RBFOX1: variants seen among roughly 807,000 people sequenced by gnomAD.
RBFOX1 encodes the protein RNA binding fox-1 homolog 1.
Under a neutral mutation model 57.7 loss-of-function variants are expected in RBFOX1, and 8 were observed. The ratio of observed to expected loss-of-function variants is 0.14; its 90% CI spans 0.08 to 0.25. RBFOX1 has a LOEUF of 0.25. RBFOX1 is among the 10% of genes least tolerant of loss of function. The pLI is 1.00. For synonymous variants in RBFOX1, 326 were observed against 222.4 expected, an observed-to-expected ratio of 1.47 and a Z score of -4.15; for missense variants, 611 against 548.5, an observed-to-expected ratio of 1.11 and a Z score of -1.14.
intron 3 of RBFOX1, among the ~76,000 whole-genome samples, chr16:6,809,063 G>A (rs887664373): frequency 1.1e-4 from 16 of 152,124 alleles, no homozygotes; most frequent in Admixed American, 8.5e-4. Flanking sequence ...AATCCCAGCC[G>A]CCATACTTCA....
chr16:6,049,905 T>C (rs929776966), intron 1 of RBFOX1, among the ~76,000 whole-genome samples: 2 of 151,942 alleles, frequency 1.3e-5, no homozygotes, highest in Non-Finnish European at 2.9e-5. Flanking sequence ...CTGTGATTGA[T>C]TGATATATCT....
intron 1 of RBFOX1, among the ~76,000 whole-genome samples, chr16:5,431,084 C>T (rs553597381): frequency 1.3e-5 from 2 of 152,256 alleles, no homozygotes; most frequent in Admixed American, 1.3e-4. Context: ...GGACTGGAGC[C>T]ACCATAGAGT....
At position 6,303,226 on chromosome 16, in the gene RBFOX1, A is replaced by C. The variant is rs79598396; in HGVS notation, c.-126-13769A>C. On this transcript the variant is annotated intron_variant, in intron 1 of 15. Coordinates refer to ENST00000550418, the MANE Select transcript of RBFOX1 (RefSeq NM_018723.4). ...GAAGAAAATATGATGTCCACATTTC[A>C]TAGCTTAGTTCCGATCACTTCAGTG... 2.4e-3 allele frequency among the ~76,000 whole-genome samples: 366 copies of C among 152,288 alleles called. 3 individuals are homozygous for C. Among genetic ancestry groups the C allele is most frequent in the African/African-American group, 8.4e-3 (351 of 41,562 alleles).
At chr16:7,529,590 A>C (rs1195829019) in intron 5 of RBFOX1, among the ~76,000 whole-genome samples, 2 of 152,224 alleles carry the variant, frequency 1.3e-5, no homozygotes, top group Non-Finnish European at 2.9e-5. Context: ...CTTTCTTCTT[A>C]AGAATAGCAG....
chr16:7,054,887 C>G (rs556331222), intron 4 of RBFOX1, among the ~76,000 whole-genome samples: 15 of 152,068 alleles, frequency 9.9e-5, no homozygotes, highest in African/African-American at 3.6e-4. Context: ...ATTCCTTTTC[C>G]TTGGCCTCCT....
chr16:7,514,337 G>T (rs971366698), intron 4 of RBFOX1, among the ~76,000 whole-genome samples: 3 of 152,150 alleles, frequency 2.0e-5, no homozygotes, highest in African/African-American at 7.2e-5. Context: ...CCTGCTGCCA[G>T]ACTAGGCTTT....
At chr16:7,231,926 T>G (rs773778543) in intron 4 of RBFOX1, among the ~76,000 whole-genome samples, 3 of 152,156 alleles carry the variant, frequency 2.0e-5, no homozygotes, top group Non-Finnish European at 4.4e-5. Flanking sequence ...AACCATTAAA[T>G]AGGTACAGAT....
intron 14 of RBFOX1, among the ~76,000 whole-genome samples, chr16:7,706,177 A>T (rs2082374354): frequency 6.6e-6 from 1 of 152,204 alleles, no homozygotes; most frequent in Admixed American, 6.5e-5. Flanking sequence ...GTGTCACACA[A>T]GGGCGTGTTC....
chr16:5,755,891 C>G (rs1403856348), intron 3 of RBFOX1, among the ~76,000 whole-genome samples: 1 of 152,132 alleles, frequency 6.6e-6, no homozygotes, highest in Non-Finnish European at 1.5e-5. Context: ...AGCTCTTGCA[C>G]CCGGCCTCTA....
chr16:5,482,500 G>A lies in RBFOX1; in HGVS notation c.258+15246G>A, dbSNP rs117499572. 8.3e-3 allele frequency among the ~76,000 whole-genome samples: 1,264 copies of A among 152,324 alleles called. 11 individuals carry two copies. Among genetic ancestry groups the A allele is most frequent in the Non-Finnish European group, 0.011 (765 of 68,036 alleles). On this transcript the variant is annotated intron_variant, in intron 2 of 2. Coordinates refer to the RBFOX1 transcript ENST00000585867. ...AGGGCTGCCTGGTGCAGAAGTCAGC[G>A]TCTGAGCCAGGGAGAAAGACAAAGC...
chr16:6,860,713 A>T (rs769182492), intron 3 of RBFOX1, among the ~76,000 whole-genome samples: 7 of 152,218 alleles, frequency 4.6e-5, no homozygotes, highest in Non-Finnish European at 7.3e-5. Context: ...ATGTTAAAAT[A>T]AATAAATTAG....
intron 3 of RBFOX1, among the ~76,000 whole-genome samples, chr16:6,886,395 G>A (rs1003427975): frequency 6.6e-6 from 1 of 151,980 alleles, no homozygotes; most frequent in Non-Finnish European, 1.5e-5. Context: ...TCACCATTGA[G>A]AAGAAAGGTT....
chr16:6,996,935 A>G (rs936647739), intron 3 of RBFOX1, among the ~76,000 whole-genome samples: 2 of 152,182 alleles, frequency 1.3e-5, no homozygotes, highest in African/African-American at 2.4e-5. Flanking sequence ...ATCAGACTAG[A>G]GAATTTTTAA....
At chr16:7,529,120 G>A (rs1462323440) in intron 5 of RBFOX1, among the ~76,000 whole-genome samples, 1 of 152,068 alleles carries the variant, frequency 6.6e-6, no homozygotes, top group Non-Finnish European at 1.5e-5. Context: ...AATTAGCCAG[G>A]CGTGGTGGCG....
intron 2 of RBFOX1, among the ~76,000 whole-genome samples, chr16:6,515,293 A>T (rs2096353231): frequency 6.6e-6 from 1 of 152,176 alleles, no homozygotes; most frequent in Non-Finnish European, 1.5e-5. Flanking sequence ...CATCCATTTT[A>T]TGCTCAGCTG....
intron 4 of RBFOX1, among the ~76,000 whole-genome samples, chr16:7,373,091 G>C (rs9929110): frequency 0.57 from 86,098 of 151,658 alleles, 24,835 homozygotes; most frequent in African/African-American, 0.65. Context: ...GCCACCATGC[G>C]TGGCTAATTT....
intron 3 of RBFOX1, among the ~76,000 whole-genome samples, chr16:5,619,886 T>G (rs1476358747): frequency 6.6e-6 from 1 of 152,092 alleles, no homozygotes; most frequent in African/African-American, 2.4e-5. Flanking sequence ...GGCCTAAGAC[T>G]TTAAAGAAGA....
At chr16:5,886,260 A>T (rs76542610) in intron 4 of RBFOX1, among the ~76,000 whole-genome samples, 4,072 of 152,250 alleles carry the variant, frequency 0.027, 172 homozygotes, top group African/African-American at 0.092. Context: ...CAAGCAAACT[A>T]ATGCCTCTGT....
chr16:6,700,849 A>C (rs905432884), intron 3 of RBFOX1, among the ~76,000 whole-genome samples: 1 of 152,104 alleles, frequency 6.6e-6, no homozygotes, highest in Non-Finnish European at 1.5e-5. Context: ...AGTAATGAAA[A>C]CTTGCACTAG....
Sources: allele counts gnomAD v4.1 joint callset (sites outside exome capture counted in the v4.1 genomes callset), GRCh38; gene constraint gnomAD v4.1.1; transcripts MANE v1.5; gene names NCBI Gene and HGNC (gene_info 2026-07-23, HGNC 2026-07-21).